The following MED21 variants were observed in gnomAD, a reference collection of about 807,000 sequenced individuals.
MED21 encodes the protein mediator of RNA polymerase II transcription subunit 21.
Under a neutral mutation model 18.2 loss-of-function variants are expected in MED21, and 9 were observed. The observed-to-expected ratio is 0.49, with a 90% confidence interval of 0.30 to 0.86. The LOEUF is 0.86. MED21 is among the 40% of genes least tolerant of loss of function. MED21 has a pLI of 0.07. For missense variants in MED21, 150 were observed against 170.9 expected (o/e 0.88, Z 0.68); for synonymous variants, 73 against 60.5 (o/e 1.21, Z -0.96).
In MED21 at chr12:27,028,593, A is replaced by G. The variant is rs2136488644; in HGVS notation, c.*132A>G. 2 of 1,336,408 alleles carry G rather than the reference A, an allele frequency of 1.5e-6. No individual in the cohort carries two copies. The highest frequency in any genetic ancestry group is 9.6e-7 in the Non-Finnish European group (1 of 1,039,254). The allele number at this position is 1,336,408 out of a possible 1,614,324, so 82.8% of individuals were successfully genotyped here. On this transcript the variant is annotated 3_prime_UTR_variant, in exon 4 of 4. Transcript: ENST00000282892. ...ACTATGACACATTACCTTTTTAGCT[A>G]TTTTTAATAGTCTTCTATTTTCACT...
chr12:27,035,108 A>G (rs1334622660), downstream of MED21, among the ~76,000 whole-genome samples: 1 of 152,074 alleles, frequency 6.6e-6, no homozygotes, highest in Non-Finnish European at 1.5e-5. Context: ...CCAGCTACTC[A>G]GTTGGGAGGA....
At chr12:27,022,847 G>A in intron 1 of MED21, 1 of 1,459,068 alleles carries the variant, frequency 6.9e-7, no homozygotes, top group Non-Finnish European at 9.1e-7. Flanking sequence ...CGCTTGAGGA[G>A]ACCGGGAAGA....
At chr12:27,023,889 CATT>C (rs1345331435) in intron 1 of MED21, among the ~76,000 whole-genome samples, 2 of 152,100 alleles carry the variant, frequency 1.3e-5, no homozygotes, top group African/African-American at 4.8e-5. Flanking sequence ...CATTTAGTAT[CATT>C]ATCAAGTGTC....
intron 2 of MED21, chr12:27,037,925 G>C (rs1321042965): frequency 6.6e-6 from 1 of 152,102 alleles, no homozygotes; most frequent in Non-Finnish European, 1.5e-5. Flanking sequence ...ATCCATTTAT[G>C]AAAAAACTCT....
chr12:27,028,643 T>C lies in MED21; in HGVS notation c.*182T>C, dbSNP rs1044072790. The C allele has an allele frequency of 1.7e-5, 22 of 1,279,480 alleles. No homozygotes were observed. Among genetic ancestry groups the C allele is most frequent in the Non-Finnish European group, 2.2e-5 (22 of 1,010,196 alleles). 79.3% of individuals were successfully genotyped at this position (1,279,480 alleles called of 1,614,324 possible). Reference sequence around the variant, plus strand: ...TCTTGATAAGCTTATAAAATCATGATTGAATCAGCTTTAAAGCATCATACC... The same window carrying C: ...TCTTGATAAGCTTATAAAATCATGACTGAATCAGCTTTAAAGCATCATACC... On this transcript the variant is annotated 3_prime_UTR_variant, in exon 4 of 4. Transcript: ENST00000282892.
downstream of MED21, among the ~76,000 whole-genome samples, chr12:27,032,062 CTCTT>C (rs1941623588): frequency 6.6e-6 from 1 of 152,180 alleles, no homozygotes; most frequent in African/African-American, 2.4e-5. Context: ...TCCCTGGTCC[CTCTT>C]TCTTCTTTTA....
chr12:27,027,333 G>C lies in MED21; in HGVS notation c.158-14G>C. 1 of 1,585,502 alleles carries C rather than the reference G, an allele frequency of 6.3e-7. No individual in the cohort carries two copies. The highest frequency in any genetic ancestry group is 1.1e-5 in the South Asian group (1 of 88,510). On this transcript the variant is annotated splice_polypyrimidine_tract_variant and intron_variant, in intron 2 of 3. Coordinates refer to ENST00000282892, the MANE Select transcript of MED21 (RefSeq NM_004264.5). The stretch of plus-strand genomic sequence containing the variant: ...GGTTTTCTAATATCCTAATCTAGCA[G>C]TATCTTTCTCTAGAGTATGCCCAGC...
downstream of MED21, among the ~76,000 whole-genome samples, chr12:27,033,564 A>T (rs182029857): frequency 1.1e-3 from 165 of 152,304 alleles, no homozygotes; most frequent in Admixed American, 9.8e-3. Flanking sequence ...ACTTGACCTC[A>T]TTCACTTGGG....
chr12:27,023,808 T>G (rs1007369714), intron 1 of MED21, among the ~76,000 whole-genome samples: 2 of 152,180 alleles, frequency 1.3e-5, no homozygotes, highest in East Asian at 3.8e-4. Context: ...TAACTTTTTT[T>G]TTTGTTTTAA....
rs2136485371 is a variant in MED21, at chr12:27,026,528, A to G, written c.151A>G (p.Thr51Ala). 6.2e-7 allele frequency: 1 copy of G among 1,609,068 alleles called. No individual in the cohort carries two copies. The highest frequency in any genetic ancestry group is 8.5e-7 in the Non-Finnish European group (1 of 1,175,804). The change falls in exon 2 of 4, where the codon ACA becomes GCA. Residue 51 changes from threonine to alanine, a missense_variant. Coordinates refer to ENST00000282892, the MANE Select transcript of MED21 (RefSeq NM_004264.5). The part of the protein sequence containing the change: ...AINKDQPANP[T>A]EEYAQLFAAL... ...TAACAAAGACCAGCCAGCTAACCCT[A>G]CAGAAGGTAAACAGGTTTTCTTAGC...
chr12:27,024,895 T>C (rs1941522908), intron 1 of MED21, among the ~76,000 whole-genome samples: 1 of 152,218 alleles, frequency 6.6e-6, no homozygotes, highest in Non-Finnish European at 1.5e-5. Context: ...TGGAGTGATG[T>C]GAACCAAAAT....
intron 2 of MED21, among the ~76,000 whole-genome samples, chr12:27,027,073 C>G (rs1423558200): frequency 6.6e-6 from 1 of 152,140 alleles, no homozygotes; most frequent in Admixed American, 6.5e-5. Context: ...GGATTACAGG[C>G]TCATGCCACC....
chr12:27,022,584 C>G lies in MED21; in HGVS notation c.5C>G (p.Ala2Gly), dbSNP rs745967078. Reference sequence around the variant, plus strand: ...TCTGTTTGCTGCGGTAGGAACATGGCGGATCGGCTCACGCAGCTTCAGGAC... The same window carrying G: ...TCTGTTTGCTGCGGTAGGAACATGGGGGATCGGCTCACGCAGCTTCAGGAC... M[A>G]DRLTQLQDAV... Residue 2 changes from alanine to glycine, a missense_variant, in exon 1 of 4, where the codon GCG becomes GGG. Transcript: ENST00000282892. 7 of 1,563,776 alleles carry G rather than the reference C, an allele frequency of 4.5e-6. No individual in the cohort carries two copies. Among genetic ancestry groups the G allele is most frequent in the African/African-American group, 1.4e-5 (1 of 73,134 alleles).
chr12:27,031,353 G>C (rs1592337733), downstream of MED21, among the ~76,000 whole-genome samples: 1 of 152,266 alleles, frequency 6.6e-6, no homozygotes, highest in East Asian at 1.9e-4. Context: ...TTCCAGAGAA[G>C]ATAGGATGTG....
chr12:27,036,885 T>C (rs1196938247), intron 2 of MED21, among the ~76,000 whole-genome samples: 1 of 152,220 alleles, frequency 6.6e-6, no homozygotes, highest in Admixed American at 6.5e-5. Flanking sequence ...TGCCTCCAGC[T>C]TTGTTCTTTT....
chr12:27,028,208 C>G, intron 3 of MED21, 77 bp from the exon 4 acceptor site: 1 of 1,439,412 alleles, frequency 6.9e-7, no homozygotes, highest in Non-Finnish European at 9.2e-7. Context: ...CAAAGTCATC[C>G]AGATTTAAAA....
downstream of MED21, among the ~76,000 whole-genome samples, chr12:27,034,417 C>T (rs904494797): frequency 2.0e-5 from 3 of 151,740 alleles, no homozygotes; most frequent in Admixed American, 1.3e-4. Flanking sequence ...GGCAAAACTC[C>T]GTCTCAAAAA....
Position 27,027,420 on chromosome 12 carries a change from C to T in MED21, c.231C>T (p.Pro77=). ...KDIDVLIDSL[P]SEESTAALQA... Reference sequence around the variant, plus strand: ...TTGATGTTTTGATAGATTCCTTACCCAGTGAAGAATCTACAGCTGCTTTAC... The same window carrying T: ...TTGATGTTTTGATAGATTCCTTACCTAGTGAAGAATCTACAGCTGCTTTAC... The change falls in exon 3 of 4, where the codon CCC becomes CCT. Residue 77 remains proline, a synonymous_variant. Coordinates refer to ENST00000282892, the MANE Select transcript of MED21 (RefSeq NM_004264.5). The T allele has an allele frequency of 6.2e-7, 1 of 1,613,060 alleles. No homozygotes were observed. The highest frequency in any genetic ancestry group is 8.5e-7 in the Non-Finnish European group (1 of 1,179,278).
intron 1 of MED21, among the ~76,000 whole-genome samples, chr12:27,023,470 T>C (rs1941503824): frequency 6.6e-6 from 1 of 151,972 alleles, no homozygotes; most frequent in African/African-American, 2.4e-5. Context: ...CTAATGTTTG[T>C]ATTTTTAGTA....
Sources: allele counts gnomAD v4.1 joint callset (sites outside exome capture counted in the v4.1 genomes callset), GRCh38; gene constraint gnomAD v4.1.1; transcripts MANE v1.5; gene names NCBI Gene and HGNC (gene_info 2026-07-23, HGNC 2026-07-21).